The following SLC2A9 variants were observed in gnomAD, a reference collection of about 807,000 sequenced individuals.
SLC2A9 encodes the protein solute carrier family 2, facilitated glucose transporter member 9.
In SLC2A9, 39 loss-of-function variants were observed where a neutral mutation model predicts 50.6. The observed-to-expected ratio is 0.77, with a 90% CI of 0.60 to 1.01. SLC2A9 has a LOEUF of 1.01. SLC2A9 is among the 50% of genes least tolerant of loss of function. The pLI is 0.00. For missense variants in SLC2A9, 686 were observed against 677.6 expected, an observed-to-expected ratio of 1.01 and a Z score of -0.14; for synonymous variants, 324 against 276.9, an observed-to-expected ratio of 1.17 and a Z score of -1.69.
At chr4:9,961,936 A>T (rs1337491282) in intron 5 of SLC2A9, among the ~76,000 whole-genome samples, 2 of 152,266 alleles carry the variant, frequency 1.3e-5, no homozygotes. Flanking sequence ...GAAAGAAGAC[A>T]TTCATGTGGT....
chr4:9,802,855 C>A (rs1002409682), intron 3 of SLC2A9, among the ~76,000 whole-genome samples: 1 of 152,166 alleles, frequency 6.6e-6, no homozygotes, highest in East Asian at 1.9e-4. Flanking sequence ...TGAGCCACAG[C>A]GCCCGGCTGG....
chr4:9,783,953 T>C (rs1718873605), intron 3 of SLC2A9: 2 of 170,118 alleles, frequency 1.2e-5, no homozygotes, highest in Non-Finnish European at 2.8e-5. Flanking sequence ...CTCTTTACCA[T>C]AGCTTAAGAA....
At position 9,861,438 on chromosome 4, in the gene SLC2A9, C is replaced by T. The variant is rs139207603; in HGVS notation, c.1291+26129G>A. On this transcript the variant is annotated intron_variant, in intron 10 of 11. Transcript: ENST00000264784. ...GATCCAATCACCTCCCACCATGCCCCACCTCCAACACTGGGGATTACAATT... is the reference window on the plus strand; with the variant it reads ...GATCCAATCACCTCCCACCATGCCCTACCTCCAACACTGGGGATTACAATT... 5.1e-3 allele frequency among the ~76,000 whole-genome samples: 774 copies of T among 152,262 alleles called. 4 individuals are homozygous for T. The highest frequency in any genetic ancestry group is 7.4e-3 in the Non-Finnish European group (501 of 68,008).
intron 5 of SLC2A9, among the ~76,000 whole-genome samples, chr4:9,972,000 C>T (rs144034318): frequency 1.1e-4 from 16 of 152,308 alleles, no homozygotes; most frequent in African/African-American, 2.9e-4. Flanking sequence ...TTACATAATT[C>T]GTCTCATTTT....
At chr4:9,912,077 G>T (rs1490682987) in intron 7 of SLC2A9, among the ~76,000 whole-genome samples, 1 of 152,156 alleles carries the variant, frequency 6.6e-6, no homozygotes, top group Non-Finnish European at 1.5e-5. Context: ...ACTCATAGGT[G>T]GGAATTGAAC....
chr4:9,783,273 C>T, intron 3 of SLC2A9: 1 of 1,614,176 alleles, frequency 6.2e-7, no homozygotes, highest in Non-Finnish European at 8.5e-7. Flanking sequence ...CACATGATGC[C>T]CAACGCCGTT....
chr4:9,805,687 GTTTTTT>G (rs58280694), intron 3 of SLC2A9, among the ~76,000 whole-genome samples: 403 of 117,804 alleles, frequency 3.4e-3, no homozygotes, highest in Non-Finnish European at 4.6e-3. Flanking sequence ...CAGGGTGTCA[GTTTTTT>G]TTTTTTTTTT....
At chr4:9,794,421 G>C (rs1720342429), downstream of SLC2A9, among the ~76,000 whole-genome samples, 1 of 152,158 alleles carries the variant, frequency 6.6e-6, no homozygotes, top group Non-Finnish European at 1.5e-5. Context: ...CTCAAGTGCT[G>C]GGATTACAGG....
chr4:9,929,695 G>A (rs924450987), intron 6 of SLC2A9, among the ~76,000 whole-genome samples: 5 of 152,166 alleles, frequency 3.3e-5, no homozygotes, highest in East Asian at 1.9e-4. Context: ...GCAGGGGAGC[G>A]GAGGAGCGAG....
At chr4:9,986,419 A>T (rs563341925) in intron 3 of SLC2A9, among the ~76,000 whole-genome samples, 1 of 152,346 alleles carries the variant, frequency 6.6e-6, no homozygotes, top group Admixed American at 6.5e-5. Context: ...TCAGACAAAC[A>T]TGAAAAAGCT....
intron 3 of SLC2A9, chr4:9,781,652 G>A (rs1322544582): frequency 5.5e-5 from 10 of 182,862 alleles, no homozygotes; most frequent in Non-Finnish European, 9.0e-5. Context: ...CCTGGCGCCC[G>A]CGACTGCCTG....
In SLC2A9 at chr4:9,941,875, A is replaced by T. The variant is rs2276964; in HGVS notation, c.814+38T>A. 1,960 of 1,612,982 alleles carry T rather than the reference A, an allele frequency of 1.2e-3. 11 individuals carry two copies. In the East Asian group the frequency reaches 0.023, roughly 19 times the overall value. On this transcript the variant is annotated intron_variant, in intron 6 of 11. Coordinates refer to ENST00000264784, the MANE Select transcript of SLC2A9 (RefSeq NM_020041.3). ...CATGCCTTGCAGTGATGATCTATGCAGGGGCTGGAGCTGTGCAGGAAAGGG... is the reference window on the plus strand; with the variant it reads ...CATGCCTTGCAGTGATGATCTATGCTGGGGCTGGAGCTGTGCAGGAAAGGG...
intron 3 of SLC2A9, among the ~76,000 whole-genome samples, chr4:9,817,644 G>A (rs1723790678): frequency 6.6e-6 from 1 of 152,128 alleles, no homozygotes. Flanking sequence ...TTCATGTAAT[G>A]TCCACTCCGA....
chr4:9,959,968 T>C (rs1751995802), intron 5 of SLC2A9, among the ~76,000 whole-genome samples: 1 of 152,228 alleles, frequency 6.6e-6, no homozygotes, highest in Non-Finnish European at 1.5e-5. Context: ...TTCCAAGCAT[T>C]GTCCCACTTC....
At chr4:9,775,772 A>G (rs1717471090), downstream of SLC2A9, among the ~76,000 whole-genome samples, 1 of 152,170 alleles carries the variant, frequency 6.6e-6, no homozygotes, top group South Asian at 2.1e-4. Context: ...CCGCAAAACC[A>G]TGAGACAATT....
At chr4:9,777,145 GC>G (rs995191996), downstream of SLC2A9, among the ~76,000 whole-genome samples, 1 of 152,082 alleles carries the variant, frequency 6.6e-6, no homozygotes, top group African/African-American at 2.4e-5. Context: ...AATAATATAA[GC>G]CCAAGAAAGA....
chr4:10,029,320 T>TCCCC (rs1763856167), intron 1 of SLC2A9: 1 of 152,200 alleles, frequency 6.6e-6, no homozygotes, highest in South Asian at 2.1e-4. Context: ...ATCTGCCCTA[T>TCCCC]CCCCGATGCA....
At chr4:9,932,191 CAAGT>C (rs1185679755) in intron 6 of SLC2A9, among the ~76,000 whole-genome samples, 30 of 151,654 alleles carry the variant, frequency 2.0e-4, no homozygotes, top group African/African-American at 7.0e-4. Flanking sequence ...GTTCCCACAG[CAAGT>C]AAGTCTCCAT....
intron 10 of SLC2A9, among the ~76,000 whole-genome samples, chr4:9,843,919 C>T (rs1423558600): frequency 2.0e-5 from 3 of 152,074 alleles, no homozygotes; most frequent in Non-Finnish European, 4.4e-5. Context: ...TTTGCTTTGG[C>T]AGAAAAGGCC....
Sources: gnomAD v4.1 joint callset for allele counts (sites outside exome capture counted in the v4.1 genomes callset) on GRCh38, gnomAD v4.1.1 for gene constraint, MANE v1.5 for transcripts, NCBI Gene and HGNC (gene_info 2026-07-23, HGNC 2026-07-21) for gene names.